The following PCDHGC3 variants were observed in gnomAD, a reference collection of about 807,000 sequenced individuals.
PCDHGC3 encodes the protein protocadherin gamma subfamily C, 3.
PCDHGC3 carries 26 observed loss-of-function variants against 59.2 expected under a neutral mutation model. That is an observed-to-expected ratio of 0.44 (90% CI 0.32 to 0.61). The LOEUF is 0.61. Among genes scored for constraint, PCDHGC3 ranks in the 20% least tolerant of loss-of-function variants. The pLI is 0.05. For missense variants in PCDHGC3, 1,080 were observed against 1,221.8 expected, an observed-to-expected ratio of 0.88 and a Z score of 1.73; for synonymous variants, 487 against 519.7, an observed-to-expected ratio of 0.94 and a Z score of 0.86.
Position 141,477,914 on chromosome 5 carries a change from G to T in PCDHGC3, c.1798G>T (p.Ala600Ser). Residue 600 changes from alanine to serine, a missense_variant, in exon 1 of 4, where the codon GCA becomes TCA. Physicochemically the swap from Ala to Ser is moderately conservative, Grantham distance 99. Coordinates refer to ENST00000308177, the MANE Select transcript of PCDHGC3 (RefSeq NM_002588.4). The surrounding 1 kb of genome is among the most constrained non-coding windows in gnomAD (Gnocchi z 4.9). ...ACGGGTGGTAGGCTGGGACGCGGAT[G>T]CAGGGCACAATGCCTGGCTCTCCTA... ...VSRVVGWDAD[A>S]GHNAWLSYSL... 2 of 1,614,204 alleles carry T rather than the reference G, an allele frequency of 1.2e-6. No homozygotes were observed. The highest frequency in any genetic ancestry group is 1.7e-6 in the Non-Finnish European group (2 of 1,180,044).
At chr5:141,494,362 A>T (rs527454959) in intron 1 of PCDHGC3, among the ~76,000 whole-genome samples, 47 of 152,300 alleles carry the variant, frequency 3.1e-4, no homozygotes, top group Admixed American at 8.5e-4. Context: ...GCTGCAGAGG[A>T]TGCTTTGTTC....
At chr5:141,510,311 C>T (rs375516156) in intron 3 of PCDHGC3, among the ~76,000 whole-genome samples, 98 of 151,056 alleles carry the variant, frequency 6.5e-4, no homozygotes, top group African/African-American at 2.3e-3. Flanking sequence ...GAAATGGAGG[C>T]TTGGAAGAGC....
At chr5:141,501,510 T>A (rs11744379) in intron 2 of PCDHGC3, among the ~76,000 whole-genome samples, 1 of 151,824 alleles carries the variant, frequency 6.6e-6, no homozygotes, top group African/African-American at 2.4e-5. Flanking sequence ...CTCCAAGGCC[T>A]CCAAGCTGAA....
At position 141,478,096 on chromosome 5, in the gene PCDHGC3, T is replaced by C. The variant is rs749277013; in HGVS notation, c.1980T>C (p.Ala660=). 1 of 1,614,074 alleles carries C rather than the reference T, an allele frequency of 6.2e-7. No homozygotes were observed. Among genetic ancestry groups the C allele is most frequent in the South Asian group, 1.1e-5 (1 of 91,082 alleles). ...DNGEPSLSTT[A]TLTVSVTEDS... The stretch of plus-strand genomic sequence containing the variant: ...GGGAGCCTTCGCTCTCCACCACTGC[T>C]ACCCTCACTGTGTCAGTAACCGAGG... The change falls in exon 1 of 4, where the codon GCT becomes GCC. Residue 660 remains alanine, a synonymous_variant. Coordinates refer to ENST00000308177, the MANE Select transcript of PCDHGC3 (RefSeq NM_002588.4).
intron 3 of PCDHGC3, chr5:141,506,988 A>G (rs1364718512): frequency 1.3e-5 from 2 of 152,192 alleles, no homozygotes; most frequent in Non-Finnish European, 2.9e-5. Context: ...CTGATTTCTC[A>G]CACTCGACAG....
intron 2 of PCDHGC3, among the ~76,000 whole-genome samples, chr5:141,496,565 T>C (rs2099769541): frequency 6.6e-6 from 1 of 152,136 alleles, no homozygotes; most frequent in African/African-American, 2.4e-5. Context: ...CACAGTCCTG[T>C]CACCCATTTT....
At chr5:141,504,743 G>A (rs924744762) in intron 2 of PCDHGC3, among the ~76,000 whole-genome samples, 5 of 151,982 alleles carry the variant, frequency 3.3e-5, no homozygotes, top group African/African-American at 9.7e-5. Context: ...GGAAGCCATT[G>A]AATTTTAGAA....
chr5:141,477,007 A>C lies in PCDHGC3; in HGVS notation c.891A>C (p.Leu297Phe), dbSNP rs891158982. The C allele has an allele frequency of 1.9e-6, 3 of 1,614,258 alleles. No individual in the cohort carries two copies. The Admixed American group carries it at 5.0e-5, about 27-fold the overall frequency. ...CCGGCGTGCGGCAACTATTCGCCTT[A>C]GACCTTGTAACCGGGATGCTGACAA... ...NRAGVRQLFA[L>F]DLVTGMLTIK... The change falls in exon 1 of 4, where the codon TTA (leucine) becomes TTC (phenylalanine). Residue 297 changes from leucine (L) to phenylalanine (F), a missense_variant. Coordinates refer to ENST00000308177, the MANE Select transcript of PCDHGC3 (RefSeq NM_002588.4). This position sits in a 1 kb window ranked among gnomAD's most constrained non-coding sequence, Gnocchi z 4.9.
chr5:141,487,022 A>T lies in PCDHGC3; in HGVS notation c.2431-7785A>T. ...TCAGCTCCTGGAGGCCCCAGATCCC[A>T]GCCTGTTTGCAGTCTCTCGATATGC... On this transcript the variant is annotated intron_variant, in intron 1 of 3. Coordinates refer to ENST00000308177, the MANE Select transcript of PCDHGC3 (RefSeq NM_002588.4). The surrounding 1 kb of genome is among the most constrained non-coding windows in gnomAD (Gnocchi z 5.0). The T allele has an allele frequency of 1.2e-6, 2 of 1,614,212 alleles. No homozygotes were observed. Among genetic ancestry groups the T allele is most frequent in the Non-Finnish European group, 1.7e-6 (2 of 1,180,048 alleles).
At position 141,490,521 on chromosome 5, in the gene PCDHGC3, C is replaced by T. The variant is rs146064810; in HGVS notation, c.2431-4286C>T. The stretch of plus-strand genomic sequence containing the variant: ...ACTATATCATCGAGCTGCTGGCCAG[C>T]GATGCTGGTTCACCTTCCCTACACA... On this transcript the variant is annotated intron_variant, in intron 1 of 3. Coordinates refer to ENST00000308177, the MANE Select transcript of PCDHGC3 (RefSeq NM_002588.4). This position sits in a 1 kb window ranked among gnomAD's most constrained non-coding sequence, Gnocchi z 5.4. The T allele has an allele frequency of 1.0e-4, 166 of 1,614,058 alleles. No individual in the cohort carries two copies. In the African/African-American group the frequency reaches 1.7e-3, roughly 16 times the overall value.
In PCDHGC3 at chr5:141,485,076, G is replaced by A; in HGVS notation, c.2430+6530G>A. 2.1e-6 allele frequency: 2 copies of A among 944,586 alleles called. No homozygotes were observed. Among genetic ancestry groups the A allele is most frequent in the East Asian group, 2.4e-5 (1 of 41,508 alleles). The allele number at this position is 944,586 out of a possible 1,614,324, so 58.5% of individuals were successfully genotyped here. ...CCGAACCGCGCCAGAGCTGGCGCGG[G>A]GAAAGGGAGATAGGTGTCTCCAGCT... On this transcript the variant is annotated intron_variant, in intron 1 of 3. Coordinates refer to ENST00000308177, the MANE Select transcript of PCDHGC3 (RefSeq NM_002588.4). This position sits in a 1 kb window ranked among gnomAD's most constrained non-coding sequence, Gnocchi z 5.7.
Position 141,476,008 on chromosome 5 carries a change from G to T in PCDHGC3, c.-109G>T. 1 of 1,282,144 alleles carries T rather than the reference G, an allele frequency of 7.8e-7. No homozygotes were observed. Among genetic ancestry groups the T allele is most frequent in the Non-Finnish European group, 1.1e-6 (1 of 935,996 alleles). 79.4% of individuals were successfully genotyped at this position (1,282,144 alleles called of 1,614,324 possible). On this transcript the variant is annotated 5_prime_UTR_variant, in exon 1 of 4. Coordinates refer to ENST00000308177, the MANE Select transcript of PCDHGC3 (RefSeq NM_002588.4). This position sits in a 1 kb window ranked among gnomAD's most constrained non-coding sequence, Gnocchi z 7.6. ...CGAGCAAATCAACGGCATCCAGAAA[G>T]CCATGTCGGACTCGGCGCCCAGCGC... is the stretch of plus-strand genomic sequence containing the variant.
At chr5:141,488,599 C>T (rs1017044328) in intron 1 of PCDHGC3, among the ~76,000 whole-genome samples, 1 of 152,152 alleles carries the variant, frequency 6.6e-6, no homozygotes, top group Non-Finnish European at 1.5e-5. Flanking sequence ...CAAGACTTTA[C>T]AAGGTTCTTA....
At position 141,489,220 on chromosome 5, in the gene PCDHGC3, C is replaced by T; in HGVS notation, c.2431-5587C>T. ...AGACAGGACAGCACAGACTTACTCT[C>T]CACAAAGGGACTTCTGGGTCATGGG... On this transcript the variant is annotated intron_variant, in intron 1 of 3. Transcript: ENST00000308177. This position sits in a 1 kb window ranked among gnomAD's most constrained non-coding sequence, Gnocchi z 4.5. The T allele has an allele frequency of 6.6e-7, 1 of 1,508,698 alleles. No homozygotes were observed. The highest frequency in any genetic ancestry group is 8.9e-7 in the Non-Finnish European group (1 of 1,122,110). The allele number at this position is 1,508,698 out of a possible 1,614,324, so 93.5% of individuals were successfully genotyped here.
rs138608867 is a variant in PCDHGC3 at position 141,477,655 on chromosome 5, T to C, written c.1539T>C (p.Asn513=). 5.0e-3 allele frequency: 8,034 copies of C among 1,614,186 alleles called. 44 individuals carry two copies. The highest frequency in any genetic ancestry group is 9.4e-3 in the Admixed American group (567 of 60,020). Residue 513 remains asparagine (N), a synonymous_variant, in exon 1 of 4, where the codon AAT becomes AAC. Coordinates refer to ENST00000308177, the MANE Select transcript of PCDHGC3 (RefSeq NM_002588.4). The surrounding 1 kb of genome is among the most constrained non-coding windows in gnomAD (Gnocchi z 4.9). ...TAGTGGGTCGCTATTTCACAATAAA[T>C]CGTGACAATGGCATAGTGTCATCCT... ...TGLVGRYFTI[N]RDNGIVSSLV...
chr5:141,499,996 C>A (rs1246090346), intron 2 of PCDHGC3, among the ~76,000 whole-genome samples: 2 of 151,572 alleles, frequency 1.3e-5, no homozygotes, highest in Non-Finnish European at 2.9e-5. Flanking sequence ...CCAGATGATT[C>A]TTTCATAAGG....
intron 3 of PCDHGC3, among the ~76,000 whole-genome samples, chr5:141,509,345 G>A (rs1203328830): frequency 6.6e-6 from 1 of 152,196 alleles, no homozygotes; most frequent in Non-Finnish European, 1.5e-5. Flanking sequence ...GGCCTGGGCT[G>A]GCCTGGGCAT....
chr5:141,509,371 T>C (rs2099876508), intron 3 of PCDHGC3, among the ~76,000 whole-genome samples: 1 of 152,258 alleles, frequency 6.6e-6, no homozygotes, highest in South Asian at 2.1e-4. Context: ...AGGTTTTAAC[T>C]GTCTCCTAAC....
rs752402965 is a variant in PCDHGC3, at chr5:141,491,400, C to G, written c.2431-3407C>G. The G allele has an allele frequency of 2.7e-5, 44 of 1,613,990 alleles. No individual in the cohort carries two copies. The highest frequency in any genetic ancestry group is 3.5e-5 in the Non-Finnish European group (41 of 1,179,996). On this transcript the variant is annotated intron_variant, in intron 1 of 3. Coordinates refer to ENST00000308177, the MANE Select transcript of PCDHGC3 (RefSeq NM_002588.4). The surrounding 1 kb of genome is among the most constrained non-coding windows in gnomAD (Gnocchi z 6.9). ...TGTCAGCGAAGTGCCTTCAGGGAAA[C>G]GCAGACGGGGACGGGGGTGGAGGGC... is the stretch of plus-strand genomic sequence containing the variant.
Sources: allele counts gnomAD v4.1 joint callset (sites outside exome capture counted in the v4.1 genomes callset), GRCh38; gene constraint gnomAD v4.1.1; non-coding constraint Gnocchi (gnomAD v3.1); transcripts MANE v1.5; gene names NCBI Gene and HGNC (gene_info 2026-07-23, HGNC 2026-07-21).